The following PRMT1 variants were observed in gnomAD, a reference collection of about 807,000 sequenced individuals.
PRMT1 encodes protein arginine methyltransferase 1, also known as protein arginine N-methyltransferase 1.
In PRMT1, 5 loss-of-function variants were observed where a neutral mutation model predicts 47.4. That is an observed-to-expected ratio of 0.11 (90% CI 0.06 to 0.22). The LOEUF (loss-of-function observed/expected upper bound fraction) is 0.22, where lower values mean the gene tolerates loss of function less well. Ranked by LOEUF, PRMT1 falls within the 10% of genes least tolerant of loss-of-function variation. The probability of loss-of-function intolerance (pLI) is 1.00; values close to 1 mark genes in which losing one functional copy is unlikely to be tolerated. For missense variants in PRMT1, 249 were observed against 518.4 expected (o/e 0.48, Z 5.05); for synonymous variants, 227 against 204.6 (o/e 1.11, Z -0.94).
chr19:49,685,586 ATG>A lies in PRMT1; in HGVS notation c.760-502_760-501del. On this transcript the variant is annotated intron_variant, in intron 8 of 10. Transcript: ENST00000454376. The surrounding 1 kb of genome is among the most constrained non-coding windows in gnomAD (Gnocchi z 4.7). ...GGCGATGAGTATTTGTTGAGCTGGG[ATG>A]TGTGAGCCGGGTGAAGCTGGGTGGC... 2.0e-6 allele frequency: 2 copies of A among 1,014,016 alleles called. No individual in the cohort carries two copies. The highest frequency in any genetic ancestry group is 2.4e-6 in the Non-Finnish European group (2 of 849,426). 62.8% of individuals were successfully genotyped at this position (1,014,016 alleles called of 1,614,324 possible).
At chr19:49,687,978 C>T in intron 10 of PRMT1, 184 bp from the exon 11 acceptor site, 2 of 643,798 alleles carry the variant, frequency 3.1e-6, no homozygotes, top group East Asian at 5.4e-5. Context: ...TTGGGGGTGT[C>T]CATGTGGTGC....
rs1221056041 is a variant in PRMT1 at position 49,677,569 on chromosome 19, C to G, written c.36+253C>G. 37 of 378,172 alleles carry G rather than the reference C, an allele frequency of 9.8e-5. 1 individual carries two copies. In the East Asian group the frequency reaches 1.4e-3, roughly 14 times the overall value. 23.4% of individuals were successfully genotyped at this position (378,172 alleles called of 1,614,324 possible). On this transcript the variant is annotated intron_variant, in intron 1 of 10. Transcript: ENST00000454376. Reference sequence around the variant, plus strand: ...CGTGGAGGAGGGCTGGGGGCGCTTCCGGCCAGGCCCCCACGTGGCCGCTGC... The same window carrying G: ...CGTGGAGGAGGGCTGGGGGCGCTTCGGGCCAGGCCCCCACGTGGCCGCTGC...
Position 49,685,198 on chromosome 19 carries a change from G to GT in PRMT1, c.759+162dup. The stretch of plus-strand genomic sequence containing the variant: ...GCTAGAGGCCCAGGAAAGACACTTC[G>GT]TCCTTTAAATATCTTTGTGAGCGCT... On this transcript the variant is annotated intron_variant, in intron 8 of 10. Transcript: ENST00000454376. This position sits in a 1 kb window ranked among gnomAD's most constrained non-coding sequence, Gnocchi z 4.7. 1 of 1,536,680 alleles carries GT rather than the reference G, an allele frequency of 6.5e-7. No individual in the cohort carries two copies. The highest frequency in any genetic ancestry group is 1.7e-4 in the Middle Eastern group (1 of 5,952).
At position 49,681,821 on chromosome 19, in the gene PRMT1, G is replaced by A; in HGVS notation, c.193-89G>A. The A allele has an allele frequency of 7.3e-7, 1 of 1,364,882 alleles. No homozygotes were observed. The highest frequency in any genetic ancestry group is 9.9e-7 in the Non-Finnish European group (1 of 1,005,092). The allele number at this position is 1,364,882 out of a possible 1,614,324, so 84.5% of individuals were successfully genotyped here. Reference sequence around the variant, plus strand: ...GCATGGAAGAAAGCGAGAGGGCCGAGCTCTGGCCCTCCGAGCTCTCAGGAC... The same window carrying A: ...GCATGGAAGAAAGCGAGAGGGCCGAACTCTGGCCCTCCGAGCTCTCAGGAC... On this transcript the variant is annotated intron_variant, in intron 3 of 10. Transcript: ENST00000454376. This position sits in a 1 kb window ranked among gnomAD's most constrained non-coding sequence, Gnocchi z 4.4.
At chr19:49,679,545 C>G (rs972033173) in intron 1 of PRMT1, 18 of 621,692 alleles carry the variant, frequency 2.9e-5, no homozygotes, top group Non-Finnish European at 2.7e-5. Flanking sequence ...TGAGAGGGAG[C>G]GACAGCTGGC....
chr19:49,682,401 C>T, intron 5 of PRMT1, 142 bp downstream of exon 5: 1 of 861,660 alleles, frequency 1.2e-6, no homozygotes, highest in African/African-American at 1.7e-5. Context: ...CTGCCGGCCG[C>T]CTGAGAATCT....
rs1205375575 is a variant in PRMT1 at position 49,684,219 on chromosome 19, G to A, written c.555+150G>A. The A allele has an allele frequency of 9.0e-7, 1 of 1,112,772 alleles. No homozygotes were observed. Among genetic ancestry groups the A allele is most frequent in the Non-Finnish European group, 1.3e-6 (1 of 776,808 alleles). The allele number at this position is 1,112,772 out of a possible 1,614,324, so 68.9% of individuals were successfully genotyped here. ...GCCACAGCCCAAGCCAGGTGTGACA[G>A]ACCCTGGAGGGAGATGGTGCGATGT... On this transcript the variant is annotated intron_variant, in intron 6 of 10. Coordinates refer to ENST00000454376, the MANE Select transcript of PRMT1 (RefSeq NM_001536.6). This position sits in a 1 kb window ranked among gnomAD's most constrained non-coding sequence, Gnocchi z 6.2.
rs758217712 is a variant in PRMT1 at position 49,682,008 on chromosome 19, G to A, written c.291G>A (p.Ser97=). ...FKDKVVLDVG[S]GTGILCMFAA... ...ACAAGGTGGTGCTGGACGTCGGCTC[G>A]GGCACCGGCATCCTCTGCATGTTTG... The change falls in exon 4 of 11, where the codon TCG becomes TCA. Residue 97 remains serine (S), a synonymous_variant. Transcript: ENST00000454376. 20 of 1,613,962 alleles carry A rather than the reference G, an allele frequency of 1.2e-5. No individual in the cohort carries two copies. Among genetic ancestry groups the A allele is most frequent in the South Asian group, 3.3e-5 (3 of 91,086 alleles).
intron 9 of PRMT1, 113 bp from the exon 10 acceptor site, chr19:49,686,492 C>G: frequency 2.5e-6 from 3 of 1,215,946 alleles, no homozygotes; most frequent in Non-Finnish European, 3.3e-6. Flanking sequence ...AGGTGACTCG[C>G]GGATAGCAGT....
chr19:49,676,492 G>A (rs1474203177), upstream of PRMT1: 1 of 152,210 alleles, frequency 6.6e-6, no homozygotes, highest in African/African-American at 2.4e-5. Context: ...TGGCTTGAGA[G>A]GGGTTGATGG....
Position 49,683,918 on chromosome 19 carries a change from C to T in PRMT1, c.413-9C>T, listed in dbSNP as rs367903619. 8.1e-5 allele frequency: 131 copies of T among 1,610,456 alleles called. 2 individuals are homozygous for T. The highest frequency in any genetic ancestry group is 1.6e-4 in the Middle Eastern group (1 of 6,062). ...GGGGGCTGACGTGGCCACCCTTGTC[C>T]GCCCGCAGTGGTGACCATCATCAAG... is the stretch of plus-strand genomic sequence containing the variant. On this transcript the variant is annotated splice_polypyrimidine_tract_variant and intron_variant, in intron 5 of 10. Coordinates refer to ENST00000454376, the MANE Select transcript of PRMT1 (RefSeq NM_001536.6).
chr19:49,686,558 T>TGGGGGGGGGGGTG, intron 9 of PRMT1, 47 bp from the exon 10 acceptor site: 1 of 635,360 alleles, frequency 1.6e-6, no homozygotes, highest in Non-Finnish European at 2.4e-6. Context: ...AGGGTGGGGT[T>TGGGGGGGGGGGTG]GGGGGGGGCA....
In PRMT1 at chr19:49,680,584, A is replaced by G. The variant is rs1436816008; in HGVS notation, c.188A>G (p.His63Arg). The change falls in exon 3 of 11, where the codon CAC (histidine) becomes CGC (arginine). Residue 63 changes from histidine (H) to arginine (R), a missense_variant. His to Arg is a conservative substitution (Grantham distance 29). Coordinates refer to ENST00000454376, the MANE Select transcript of PRMT1 (RefSeq NM_001536.6). This position sits in a 1 kb window ranked among gnomAD's most constrained non-coding sequence, Gnocchi z 4.2. Reference protein sequence around the residue: ...YFDSYAHFGIHEEMLKDEVRT... With the variant: ...YFDSYAHFGIREEMLKDEVRT... ...GACTCCTACGCACACTTTGGCATCC[A>G]CGAGGTCAGTGGGGACAGTCCCCAA... The G allele has an allele frequency of 6.2e-7, 1 of 1,611,194 alleles. No homozygotes were observed. The highest frequency in any genetic ancestry group is 8.5e-7 in the Non-Finnish European group (1 of 1,177,390).
chr19:49,685,442 C>G lies in PRMT1; in HGVS notation c.759+405C>G. 1 of 1,176,144 alleles carries G rather than the reference C, an allele frequency of 8.5e-7. No homozygotes were observed. Among genetic ancestry groups the G allele is most frequent in the Non-Finnish European group, 1.1e-6 (1 of 939,920 alleles). The allele number at this position is 1,176,144 out of a possible 1,614,324, so 72.9% of individuals were successfully genotyped here. A position where few individuals can be genotyped will look rare whatever the true frequency, so the allele number is the denominator to read the frequency against. Reference sequence around the variant, plus strand: ...GGAGGATCACTTGGGCCTGGGAGTTCAAGGCTGCAGTGAGCTGTGATCACA... The same window carrying G: ...GGAGGATCACTTGGGCCTGGGAGTTGAAGGCTGCAGTGAGCTGTGATCACA... On this transcript the variant is annotated intron_variant, in intron 8 of 10. Transcript: ENST00000454376. The surrounding 1 kb of genome is among the most constrained non-coding windows in gnomAD (Gnocchi z 4.7).
chr19:49,682,099 C>A, intron 4 of PRMT1, 34 bp downstream of exon 4: 1 of 1,613,700 alleles, frequency 6.2e-7, no homozygotes, highest in East Asian at 2.2e-5. Flanking sequence ...GGGGCCGGGC[C>A]TGAGGGATGG....
chr19:49,684,659 G>T lies in PRMT1; in HGVS notation c.556-95G>T. On this transcript the variant is annotated intron_variant, in intron 6 of 10. Transcript: ENST00000454376. This position sits in a 1 kb window ranked among gnomAD's most constrained non-coding sequence, Gnocchi z 6.2. ...GTGAGTGCCGCTGCGACATGAGGGT[G>T]GCCCAGACCAGGGCAGGAGGCCACA... The T allele has an allele frequency of 7.4e-7, 1 of 1,344,332 alleles. No individual in the cohort carries two copies. Among genetic ancestry groups the T allele is most frequent in the Middle Eastern group, 2.5e-4 (1 of 3,938 alleles). 83.3% of individuals were successfully genotyped at this position (1,344,332 alleles called of 1,614,324 possible). A position where few individuals can be genotyped will look rare whatever the true frequency, so the allele number is the denominator to read the frequency against.
At chr19:49,686,270 G>C (rs1366678179) in intron 9 of PRMT1, 27 bp downstream of exon 9, 1 of 1,566,452 alleles carries the variant, frequency 6.4e-7, no homozygotes, top group East Asian at 2.4e-5. Flanking sequence ...AGGGCTGGGG[G>C]CCGTTCCCGA....
At chr19:49,683,721 G>A in intron 5 of PRMT1, 1 of 501,940 alleles carries the variant, frequency 2.0e-6, no homozygotes. Context: ...AACATCACCT[G>A]ATACCCAGTC....
chr19:49,685,299 C>T lies in PRMT1; in HGVS notation c.759+262C>T. On this transcript the variant is annotated intron_variant, in intron 8 of 10. Coordinates refer to ENST00000454376, the MANE Select transcript of PRMT1 (RefSeq NM_001536.6). This position sits in a 1 kb window ranked among gnomAD's most constrained non-coding sequence, Gnocchi z 4.7. ...AAAGCTGGCAGCTAAAGCCCACAGC[C>T]CATGCACGGAAAGGCAGGACCCCAG... 1.4e-6 allele frequency: 2 copies of T among 1,398,270 alleles called. No homozygotes were observed. Among genetic ancestry groups the T allele is most frequent in the Non-Finnish European group, 1.9e-6 (2 of 1,072,528 alleles). 86.6% of individuals were successfully genotyped at this position (1,398,270 alleles called of 1,614,324 possible).
Sources: allele counts gnomAD v4.1 joint callset, GRCh38; gene constraint gnomAD v4.1.1; non-coding constraint Gnocchi (gnomAD v3.1); transcripts MANE v1.5; gene names NCBI Gene and HGNC (gene_info 2026-07-23, HGNC 2026-07-21).